Variants in GLRB observed in about 807,000 individuals in gnomAD.
GLRB encodes the protein glycine receptor beta.
A neutral mutation model predicts 54.2 loss-of-function variants in GLRB; 33 were observed. That is an observed-to-expected ratio of 0.61 (90% CI 0.46 to 0.81). The LOEUF (loss-of-function observed/expected upper bound fraction) is 0.81. Among genes scored for constraint, GLRB ranks in the 40% least tolerant of loss-of-function variants. The probability of loss-of-function intolerance (pLI) is 0.00; values close to 1 mark genes in which losing one functional copy is unlikely to be tolerated. For synonymous variants in GLRB, 209 were observed against 208.2 expected, an observed-to-expected ratio of 1.00 and a Z score of -0.03; for missense variants, 572 against 584.6, an observed-to-expected ratio of 0.98 and a Z score of 0.22.
chr4:157,099,509 G>T (rs538829147), intron 2 of GLRB, among the ~76,000 whole-genome samples: 2 of 151,832 alleles, frequency 1.3e-5, no homozygotes, highest in Non-Finnish European at 2.9e-5. Flanking sequence ...GCTAATTTTT[G>T]TATTTTCAGT....
At chr4:157,170,017 G>A (rs546428704) in intron 9 of GLRB, among the ~76,000 whole-genome samples, 42 of 152,232 alleles carry the variant, frequency 2.8e-4, no homozygotes, top group Middle Eastern at 3.4e-3. Context: ...GATCTATAAG[G>A]AAGTCAAAGG....
In GLRB at chr4:157,111,960, G is replaced by A. The variant is rs541339391; in HGVS notation, c.123-8596G>A. Among the ~76,000 whole-genome samples the A allele has an allele frequency of 2.0e-5, 3 of 151,818 alleles. No homozygotes were observed. The South Asian group carries it at 6.2e-4, about 31-fold the overall frequency. ...TTTTTTTTCCTTGAGTTCTGTTGGT[G>A]CCACACACTGCTGGATTTACCCCTT... On this transcript the variant is annotated intron_variant, in intron 2 of 9. Transcript: ENST00000264428.
At chr4:157,079,736 A>T (rs1029914076) in intron 2 of GLRB, among the ~76,000 whole-genome samples, 4 of 152,174 alleles carry the variant, frequency 2.6e-5, no homozygotes, top group African/African-American at 9.7e-5. Flanking sequence ...TTTTTGTGCC[A>T]CAAGCTGGAG....
At chr4:157,144,729 C>A (rs1382683925) in intron 8 of GLRB, among the ~76,000 whole-genome samples, 1 of 152,132 alleles carries the variant, frequency 6.6e-6, no homozygotes, top group Non-Finnish European at 1.5e-5. Flanking sequence ...ACTGTCTGAC[C>A]TCCTCAGTGA....
rs193140231 is a variant in GLRB, at chr4:157,154,867, C to T, written c.1197+1857C>T. Among the ~76,000 whole-genome samples, 405 of 152,150 alleles carry T rather than the reference C, an allele frequency of 2.7e-3. 5 individuals are homozygous for T. Among genetic ancestry groups the T allele is most frequent in the African/African-American group, 9.3e-3 (386 of 41,512 alleles). On this transcript the variant is annotated intron_variant, in intron 9 of 9. Coordinates refer to ENST00000264428, the MANE Select transcript of GLRB (RefSeq NM_000824.5). ...GATAAGTTATGCATGCATAACATCA[C>T]GATCTACTAGTGTCATTATTTTGCT...
rs1737078251 is a variant in GLRB, at chr4:157,152,876, A to T, written c.1063A>T (p.Asn355Tyr). 6.2e-7 allele frequency: 1 copy of T among 1,613,878 alleles called. No individual in the cohort carries two copies. The highest frequency in any genetic ancestry group is 8.5e-7 in the Non-Finnish European group (1 of 1,179,940). The change falls in exon 9 of 10, where the codon AAC becomes TAC. Residue 355 changes from asparagine to tyrosine, a missense_variant. Asn to Tyr is a moderately radical substitution (Grantham distance 143). Coordinates refer to ENST00000264428, the MANE Select transcript of GLRB (RefSeq NM_000824.5). ...VEYAVVQVML[N>Y]NPKRVEAEKA... is the part of the protein sequence containing the mutation. Reference sequence around the variant, plus strand: ...GTATGCAGTTGTCCAGGTGATGCTGAACAACCCCAAAAGGGTTGAAGCTGA... The same window carrying T: ...GTATGCAGTTGTCCAGGTGATGCTGTACAACCCCAAAAGGGTTGAAGCTGA...
intron 2 of GLRB, among the ~76,000 whole-genome samples, chr4:157,082,964 T>TTTTGTATATA (rs1180920266): frequency 1.4e-5 from 2 of 139,670 alleles, no homozygotes; most frequent in Admixed American, 7.2e-5. Context: ...GAATAGTGTT[T>TTTTGTATATA]TATATATATA....
chr4:157,164,844 T>C (rs1039652118), intron 9 of GLRB, among the ~76,000 whole-genome samples: 1 of 152,154 alleles, frequency 6.6e-6, no homozygotes, highest in African/African-American at 2.4e-5. Flanking sequence ...AATTATGTTA[T>C]TTTAAGTTTA....
At chr4:157,099,835 A>T (rs2126477224) in intron 2 of GLRB, among the ~76,000 whole-genome samples, 1 of 152,254 alleles carries the variant, frequency 6.6e-6, no homozygotes, top group African/African-American at 2.4e-5. Flanking sequence ...ATTATTGGTA[A>T]TCATTTTAAT....
chr4:157,095,120 G>A (rs912076041), intron 2 of GLRB, among the ~76,000 whole-genome samples: 5 of 152,002 alleles, frequency 3.3e-5, no homozygotes, highest in Admixed American at 1.3e-4. Flanking sequence ...AGTATTTCAG[G>A]GAAACAGGTG....
At chr4:157,169,445 G>GT (rs1737835753) in intron 9 of GLRB, among the ~76,000 whole-genome samples, 2 of 152,024 alleles carry the variant, frequency 1.3e-5, no homozygotes, top group African/African-American at 4.8e-5. Context: ...AAATATAATT[G>GT]TCCTTTTGTA....
intron 9 of GLRB, among the ~76,000 whole-genome samples, chr4:157,156,294 G>A (rs1318096984): frequency 6.6e-6 from 1 of 152,156 alleles, no homozygotes; most frequent in Non-Finnish European, 1.5e-5. Flanking sequence ...CTTTGTAAGA[G>A]AAATTGAGTT....
chr4:157,096,423 A>T (rs1734813953), intron 2 of GLRB, among the ~76,000 whole-genome samples: 1 of 152,204 alleles, frequency 6.6e-6, no homozygotes, highest in African/African-American at 2.4e-5. Flanking sequence ...GCCAGTTTGG[A>T]TAAATGTTGT....
chr4:157,078,215 T>C, intron 2 of GLRB, 69 bp downstream of exon 2: 1 of 1,599,310 alleles, frequency 6.3e-7, no homozygotes, highest in Admixed American at 1.7e-5. Flanking sequence ...AGTAAGGTGG[T>C]TTATGAAGAC....
intron 2 of GLRB, among the ~76,000 whole-genome samples, chr4:157,108,262 A>G (rs985834863): frequency 2.0e-5 from 3 of 152,120 alleles, no homozygotes; most frequent in Non-Finnish European, 4.4e-5. Context: ...TATCTAAGAA[A>G]TACATTTACT....
intron 9 of GLRB, among the ~76,000 whole-genome samples, chr4:157,153,540 G>A (rs959836215): frequency 3.3e-5 from 5 of 152,186 alleles, no homozygotes; most frequent in Non-Finnish European, 5.9e-5. Flanking sequence ...GGGAAACGAT[G>A]CCTGCAGTTA....
At chr4:157,116,445 A>T (rs980744045) in intron 2 of GLRB, among the ~76,000 whole-genome samples, 3 of 151,808 alleles carry the variant, frequency 2.0e-5, no homozygotes, top group Non-Finnish European at 4.4e-5. Flanking sequence ...ACTGAGATTC[A>T]GAATATGAAG....
intron 8 of GLRB, among the ~76,000 whole-genome samples, chr4:157,145,174 T>C (rs1301011807): frequency 2.6e-5 from 4 of 152,202 alleles, no homozygotes; most frequent in African/African-American, 9.6e-5. Flanking sequence ...ATTTCTGACA[T>C]ATCCTTTAAG....
At chr4:157,108,245 G>A (rs540921569) in intron 2 of GLRB, among the ~76,000 whole-genome samples, 17 of 152,072 alleles carry the variant, frequency 1.1e-4, no homozygotes, top group East Asian at 3.9e-4. Flanking sequence ...TGACATTCAC[G>A]TTTTATTATC....
Sources: gnomAD v4.1 joint callset for allele counts (sites outside exome capture counted in the v4.1 genomes callset) on GRCh38, gnomAD v4.1.1 for gene constraint, MANE v1.5 for transcripts, NCBI Gene and HGNC (gene_info 2026-07-23, HGNC 2026-07-21) for gene names.